Variants in TYRP1 observed in about 807,000 individuals in gnomAD.
TYRP1 encodes the protein 5,6-dihydroxyindole-2-carboxylic acid oxidase.
A neutral mutation model predicts 42.8 loss-of-function variants in TYRP1; 49 were observed. That is an observed-to-expected ratio of 1.14 (90% CI 0.91 to 1.45). TYRP1 has a LOEUF of 1.45. TYRP1 is among the 40% of genes most tolerant of loss of function. TYRP1 has a pLI of 0.00. For synonymous variants in TYRP1, 279 were observed against 235.4 expected, an observed-to-expected ratio of 1.19 and a Z score of -1.69; for missense variants, 848 against 662.0, an observed-to-expected ratio of 1.28 and a Z score of -3.08.
In TYRP1 at chr9:12,698,539, T is replaced by A. The variant is rs201345670; in HGVS notation, c.797T>A (p.Met266Lys). 1 of 1,613,776 alleles carries A rather than the reference T, an allele frequency of 6.2e-7. No individual in the cohort carries two copies. ...TGTGATATCTGCACGGATGACTTGA[T>A]GGGATCCAGAAGCAACTTTGATTCC... Reference protein sequence around the residue: ...NVCDICTDDLMGSRSNFDSTL... With the variant: ...NVCDICTDDLKGSRSNFDSTL... The change falls in exon 4 of 8, where the codon ATG becomes AAG. Residue 266 changes from methionine (M) to lysine (K), a missense_variant. Met to Lys is a moderately conservative substitution (Grantham distance 95). Coordinates refer to ENST00000388918, the MANE Select transcript of TYRP1 (RefSeq NM_000550.3).
At chr9:12,704,819 A>G in intron 6 of TYRP1, 114 bp downstream of exon 6, 1 of 1,039,678 alleles carries the variant, frequency 9.6e-7, no homozygotes, top group Middle Eastern at 2.0e-4. Flanking sequence ...AAATAAGGAT[A>G]GCATAGCTGT....
intron 4 of TYRP1, among the ~76,000 whole-genome samples, chr9:12,699,214 T>C (rs1293462322): frequency 6.6e-6 from 1 of 152,090 alleles, no homozygotes; most frequent in South Asian, 2.1e-4. Flanking sequence ...GTGAACACAG[T>C]AAGAGTACGC....
At chr9:12,706,652 C>T (rs2209278) in intron 6 of TYRP1, among the ~76,000 whole-genome samples, 8,597 of 152,002 alleles carry the variant, frequency 0.057, 267 homozygotes, top group Non-Finnish European at 0.062. Flanking sequence ...CACTTGCAAA[C>T]TGCATGAAAG....
In TYRP1 at chr9:12,704,551, T is replaced by A. The variant is rs764329058; in HGVS notation, c.1107T>A (p.Tyr369Ter). ...VEGYSDPTGK[Y>*]DPAVRSLHNL... is the part of the protein sequence containing the mutation. ...GTTACAGTGACCCCACGGGAAAGTA[T>A]GACCCTGCTGTTCGAAGTCTTCACA... Residue 369 changes from tyrosine (Y) to a stop codon, truncating the protein, a stop_gained, in exon 6 of 8, where the codon TAT (tyrosine) becomes TAA (stop). Coordinates refer to ENST00000388918, the MANE Select transcript of TYRP1 (RefSeq NM_000550.3). LOFTEE classifies it high-confidence loss of function. 6.2e-7 allele frequency: 1 copy of A among 1,612,812 alleles called. No homozygotes were observed. Among genetic ancestry groups the A allele is most frequent in the South Asian group, 1.1e-5 (1 of 91,064 alleles).
intron 3 of TYRP1, among the ~76,000 whole-genome samples, chr9:12,696,651 G>A (rs1472307092): frequency 6.6e-6 from 1 of 152,054 alleles, no homozygotes; most frequent in Non-Finnish European, 1.5e-5. Context: ...TATTTTCTAA[G>A]CAGATAAGCT....
chr9:12,706,745 G>A (rs367871124), intron 6 of TYRP1, among the ~76,000 whole-genome samples: 1 of 151,938 alleles, frequency 6.6e-6, no homozygotes, highest in Non-Finnish European at 1.5e-5. Context: ...TAAAACAACT[G>A]TGAAGAAGAG....
At chr9:12,706,253 C>A (rs41298186) in intron 6 of TYRP1, among the ~76,000 whole-genome samples, 1 of 151,900 alleles carries the variant, frequency 6.6e-6, no homozygotes, top group Non-Finnish European at 1.5e-5. Flanking sequence ...TTCACAATGC[C>A]GTGGGTGTTA....
intron 4 of TYRP1, 92 bp from the exon 5 acceptor site, chr9:12,702,179 T>G: frequency 7.4e-7 from 1 of 1,344,424 alleles, no homozygotes; most frequent in Non-Finnish European, 1.0e-6. Flanking sequence ...AAACCTATAT[T>G]TCATATTCAT....
At position 12,695,648 on chromosome 9, in the gene TYRP1, T is replaced by C. The variant is rs768471753; in HGVS notation, c.519T>C (p.Asp173=). ...GATCAGAAGAAATACTGGGGCCAGATGGCAACACGCCACAATTTGAGAACA... is the reference window on the plus strand; with the variant it reads ...GATCAGAAGAAATACTGGGGCCAGACGGCAACACGCCACAATTTGAGAACA... ...TRRSEEILGP[D]GNTPQFENIS... The change falls in exon 3 of 8, where the codon GAT becomes GAC. Residue 173 remains aspartate (D), a synonymous_variant. Transcript: ENST00000388918. 1.1e-5 allele frequency: 17 copies of C among 1,614,078 alleles called. 1 individual carries two copies. The Middle Eastern group carries it at 6.6e-4, about 62-fold the overall frequency.
chr9:12,708,204 A>AAGTAG (rs1184745797), intron 7 of TYRP1, 61 bp downstream of exon 7: 5 of 1,579,258 alleles, frequency 3.2e-6, no homozygotes, highest in Middle Eastern at 1.7e-4. Context: ...GTTATCTTTC[A>AAGTAG]AGTAGAGTAA....
Position 12,704,425 on chromosome 9 carries a change from G to T in TYRP1, c.1082-101G>T, listed in dbSNP as rs1034737565. The stretch of plus-strand genomic sequence containing the variant: ...ATATTAAGGCAAAAATTGGCCTGAC[G>T]AGCCTTGAAAAAATTGTTTCCCAAT... On this transcript the variant is annotated intron_variant, in intron 5 of 7. Transcript: ENST00000388918. 4.4e-6 allele frequency: 6 copies of T among 1,367,812 alleles called. No individual in the cohort carries two copies. The East Asian group carries it at 1.5e-4, about 34-fold the overall frequency. 84.7% of individuals were successfully genotyped at this position (1,367,812 alleles called of 1,614,324 possible).
At chr9:12,699,165 C>G (rs746837659) in intron 4 of TYRP1, among the ~76,000 whole-genome samples, 3 of 152,096 alleles carry the variant, frequency 2.0e-5, no homozygotes, top group Non-Finnish European at 4.4e-5. Context: ...GTATATTGTA[C>G]TGATGTCTGC....
At chr9:12,702,031 T>C (rs1369130581) in intron 4 of TYRP1, among the ~76,000 whole-genome samples, 3 of 152,010 alleles carry the variant, frequency 2.0e-5, no homozygotes, top group Non-Finnish European at 4.4e-5. Context: ...TATCTGTTAG[T>C]GTGATTCTTT....
chr9:12,698,358 G>C (rs1318077710), intron 3 of TYRP1, 93 bp from the exon 4 acceptor site: 10 of 1,232,044 alleles, frequency 8.1e-6, no homozygotes, highest in Non-Finnish European at 1.2e-5. Context: ...TCTGAAGAGA[G>C]CTAATAGAAA....
At chr9:12,704,977 A>T (rs1056206501) in intron 6 of TYRP1, among the ~76,000 whole-genome samples, 5 of 152,048 alleles carry the variant, frequency 3.3e-5, no homozygotes, top group African/African-American at 1.2e-4. Flanking sequence ...AAAAATGGCT[A>T]CTATGTTTCA....
chr9:12,708,859 T>C, intron 7 of TYRP1, 118 bp from the exon 8 acceptor site: 4 of 993,066 alleles, frequency 4.0e-6, no homozygotes, highest in Non-Finnish European at 6.1e-6. Flanking sequence ...ATGTGGCCAA[T>C]GTAAATTAAA....
Position 12,709,254 on chromosome 9 carries a change from C to G in TYRP1, c.*72C>G, listed in dbSNP as rs145547593. The G allele has an allele frequency of 2.1e-6, 3 of 1,414,120 alleles. No individual in the cohort carries two copies. In the African/African-American group the frequency reaches 4.2e-5, roughly 20 times the overall value. 87.6% of individuals were successfully genotyped at this position (1,414,120 alleles called of 1,614,324 possible). On this transcript the variant is annotated 3_prime_UTR_variant, in exon 8 of 8. Transcript: ENST00000388918. ...TGAATATAATAGATTGAGTTATTAA[C>G]TGTATTTTCTTTCACTTTATTACCT...
chr9:12,694,472 G>T, intron 2 of TYRP1, 91 bp downstream of exon 2: 1 of 1,472,464 alleles, frequency 6.8e-7, no homozygotes, highest in East Asian at 2.4e-5. Context: ...AGGAATACCT[G>T]GAAATCATAT....
chr9:12,696,223 G>T (rs1818076777), intron 3 of TYRP1, among the ~76,000 whole-genome samples: 1 of 152,166 alleles, frequency 6.6e-6, no homozygotes, highest in African/African-American at 2.4e-5. Context: ...ATGTGGGTTA[G>T]AGACTTCTCA....
Sources: allele counts gnomAD v4.1 joint callset (sites outside exome capture counted in the v4.1 genomes callset), GRCh38; gene constraint gnomAD v4.1.1; transcripts MANE v1.5; gene names NCBI Gene and HGNC (gene_info 2026-07-23, HGNC 2026-07-21).